NAV3: variants seen among roughly 807,000 people sequenced by gnomAD.
The protein encoded by NAV3 is neuron navigator 3, also known as pore membrane and/or filament interacting like protein 1.
NAV3 carries 87 observed loss-of-function variants against 244.7 expected under a neutral mutation model. That is an observed-to-expected ratio of 0.36 (90% confidence interval 0.30 to 0.42). NAV3 has a LOEUF of 0.42. NAV3 is among the 20% of genes least tolerant of loss of function. The pLI is 1.00. For missense variants in NAV3, 2,663 were observed against 2,893.3 expected (o/e 0.92, Z 1.83); for synonymous variants, 1,126 against 1,042.2 (o/e 1.08, Z -1.55).
intron 2 of NAV3, among the ~76,000 whole-genome samples, chr12:77,606,931 T>G (rs556757109): frequency 6.6e-5 from 10 of 152,248 alleles, no homozygotes; most frequent in Middle Eastern, 3.4e-3. Context: ...ATAGAATATG[T>G]TGATTGACTT....
intron 2 of NAV3, among the ~76,000 whole-genome samples, chr12:77,697,135 G>T (rs750816543): frequency 6.6e-6 from 1 of 152,156 alleles, no homozygotes; most frequent in Non-Finnish European, 1.5e-5. Context: ...AGCCTGGGAT[G>T]TCTAACTAAC....
intron 2 of NAV3, among the ~76,000 whole-genome samples, chr12:77,744,262 C>G (rs1329367496): frequency 6.6e-6 from 1 of 151,884 alleles, no homozygotes; most frequent in Non-Finnish European, 1.5e-5. Context: ...GAAGTAGACC[C>G]ACACAGATAT....
At chr12:77,714,088 G>A (rs953275731) in intron 2 of NAV3, among the ~76,000 whole-genome samples, 1 of 151,868 alleles carries the variant, frequency 6.6e-6, no homozygotes, top group Admixed American at 6.6e-5. Flanking sequence ...TATACCTAGA[G>A]GGCATGACTT....
chr12:77,911,415 T>C (rs1341435598), intron 1 of NAV3, among the ~76,000 whole-genome samples: 12 of 152,152 alleles, frequency 7.9e-5, no homozygotes, highest in Admixed American at 7.9e-4. Context: ...GTTCAAGGTT[T>C]TCAATCTCAA....
At chr12:77,613,443 G>A (rs1197104739) in intron 2 of NAV3, among the ~76,000 whole-genome samples, 2 of 152,164 alleles carry the variant, frequency 1.3e-5, no homozygotes, top group Non-Finnish European at 2.9e-5. Context: ...GCCAGTGTCA[G>A]TGAAGGGTAA....
At chr12:78,188,439 T>A in intron 32 of NAV3, 96 bp downstream of exon 32, 4 of 1,207,364 alleles carry the variant, frequency 3.3e-6, no homozygotes, top group Non-Finnish European at 4.7e-6. Context: ...CTTCTTTTCC[T>A]CTCCTCAAAT....
rs765854258 is a variant in NAV3, at chr12:78,006,850, A to T, written c.1312A>T (p.Ser438Cys). 3.0e-5 allele frequency: 49 copies of T among 1,614,202 alleles called. No individual in the cohort carries two copies. In the East Asian group the frequency reaches 1.0e-3, roughly 34 times the overall value. The change falls in exon 8 of 40, where the codon AGC becomes TGC. Residue 438 changes from serine to cysteine, a missense_variant. Ser to Cys is a moderately radical substitution (Grantham distance 112). This residue lies in a region of NAV3 where 1,521 missense variants were observed against 1,497.0 expected (regional missense o/e 1.02). Coordinates refer to ENST00000397909, the MANE Select transcript of NAV3 (RefSeq NM_001024383.2). ...TCTGAATAGTGGTGGCTCAACAAATAGCAGTCCCAAAGTGTCACCTAAGTT... is the reference window on the plus strand; with the variant it reads ...TCTGAATAGTGGTGGCTCAACAAATTGCAGTCCCAAAGTGTCACCTAAGTT... ...SGLNSGGSTNSSPKVSPKLAP... is the reference protein window; with the variant it reads ...SGLNSGGSTNCSPKVSPKLAP...
At chr12:77,634,277 C>T (rs1468822777) in intron 2 of NAV3, among the ~76,000 whole-genome samples, 1 of 152,112 alleles carries the variant, frequency 6.6e-6, no homozygotes, top group Non-Finnish European at 1.5e-5. Context: ...CTGCGTTGTC[C>T]TTATCTATGG....
At chr12:78,081,784 AGT>A (rs1294675021) in intron 12 of NAV3, among the ~76,000 whole-genome samples, 1 of 152,164 alleles carries the variant, frequency 6.6e-6, no homozygotes, top group African/African-American at 2.4e-5. Context: ...TCCACACTCA[AGT>A]GCCCCTTTCC....
chr12:77,878,939 G>A (rs1882234690), intron 1 of NAV3, among the ~76,000 whole-genome samples: 1 of 152,120 alleles, frequency 6.6e-6, no homozygotes, highest in African/African-American at 2.4e-5. Context: ...TTTATAGGAA[G>A]GAGAACCAAA....
intron 9 of NAV3, among the ~76,000 whole-genome samples, chr12:78,031,624 C>G (rs1259910689): frequency 6.6e-6 from 1 of 150,974 alleles, no homozygotes; most frequent in Admixed American, 6.6e-5. Context: ...TCTCAGTAAA[C>G]TATTGCAAGA....
intron 1 of NAV3, among the ~76,000 whole-genome samples, chr12:77,918,315 A>G (rs1168971471): frequency 2.0e-5 from 3 of 152,070 alleles, no homozygotes; most frequent in Non-Finnish European, 4.4e-5. Flanking sequence ...CATAATTGCA[A>G]ATACATTCTG....
chr12:77,732,226 G>A (rs1877155490), intron 2 of NAV3, among the ~76,000 whole-genome samples: 2 of 151,936 alleles, frequency 1.3e-5, no homozygotes, highest in Admixed American at 6.6e-5. Flanking sequence ...TTATCTGTTG[G>A]TGAAGAGTTT....
intron 22 of NAV3, among the ~76,000 whole-genome samples, chr12:78,156,501 G>T (rs543955473): frequency 1.4e-4 from 22 of 152,048 alleles, no homozygotes; most frequent in Non-Finnish European, 2.5e-4. Flanking sequence ...TTACAATCCC[G>T]ATTTCTTTGT....
intron 9 of NAV3, among the ~76,000 whole-genome samples, chr12:78,045,243 A>C (rs941290161): frequency 1.3e-5 from 2 of 152,058 alleles, no homozygotes; most frequent in Admixed American, 6.6e-5. Context: ...ATTGATTTGC[A>C]TATGTTGAAC....
intron 29 of NAV3, among the ~76,000 whole-genome samples, chr12:78,180,371 C>A (rs1255116799): frequency 6.6e-6 from 1 of 151,684 alleles, no homozygotes; most frequent in Non-Finnish European, 1.5e-5. Context: ...CTTAGTGTCC[C>A]GATTGGAAGG....
chr12:77,628,389 G>A (rs1565743332), intron 2 of NAV3, among the ~76,000 whole-genome samples: 1 of 151,926 alleles, frequency 6.6e-6, no homozygotes, highest in Non-Finnish European at 1.5e-5. Context: ...ATGAGTAACT[G>A]GAAATAAGGT....
chr12:77,895,729 T>C (rs1358684007), intron 1 of NAV3, among the ~76,000 whole-genome samples: 1 of 140,348 alleles, frequency 7.1e-6, no homozygotes, highest in Non-Finnish European at 1.5e-5. Flanking sequence ...CACATATATG[T>C]ACCCTCTTGT....
At chr12:77,718,022 A>G (rs1876438904) in intron 2 of NAV3, among the ~76,000 whole-genome samples, 1 of 152,122 alleles carries the variant, frequency 6.6e-6, no homozygotes, top group Non-Finnish European at 1.5e-5. Flanking sequence ...CCCATTCCAC[A>G]GTTTGCCTTT....
Sources: allele counts gnomAD v4.1 joint callset (sites outside exome capture counted in the v4.1 genomes callset), GRCh38; gene constraint gnomAD v4.1.1; regional missense constraint gnomAD v4.1.1; transcripts MANE v1.5; gene names NCBI Gene and HGNC (gene_info 2026-07-23, HGNC 2026-07-21).